Variants in TPD52L2 observed in about 807,000 individuals in gnomAD.
The protein encoded by TPD52L2 is TPD52 like 2, also known as tumor protein D54.
A neutral mutation model predicts 24.7 loss-of-function variants in TPD52L2; 19 were observed. The ratio of observed to expected loss-of-function variants is 0.77; its 90% confidence interval spans 0.54 to 1.13. TPD52L2 has a LOEUF of 1.13. Among genes scored for constraint, TPD52L2 ranks in the 50% most tolerant of loss-of-function variants. The pLI, the probability that TPD52L2 is intolerant of heterozygous loss-of-function variation, is 0.00. For synonymous variants in TPD52L2, 104 were observed against 100.2 expected, an observed-to-expected ratio of 1.04 and a Z score of -0.23; for missense variants, 236 against 250.4, an observed-to-expected ratio of 0.94 and a Z score of 0.39.
chr20:63,887,760 AC>A (rs1382972932), intron 5 of TPD52L2: 1 of 743,390 alleles, frequency 1.3e-6, no homozygotes, highest in Admixed American at 2.1e-5. Flanking sequence ...GCCGGTAAAA[AC>A]CCCCTCTAGG....
At chr20:63,875,262 C>T (rs2052628923) in intron 3 of TPD52L2, among the ~76,000 whole-genome samples, 2 of 151,904 alleles carry the variant, frequency 1.3e-5, no homozygotes, top group African/African-American at 4.8e-5. Flanking sequence ...GTCCTATAAC[C>T]CTGGGACACC....
rs1318785003 is a variant in TPD52L2, at chr20:63,877,948, G to A, written c.374+2073G>A. ...GGGAAGGCCCAGGCCGAGGGCGATG[G>A]TTTCTGCCGGGACGGCCGAGGCCGA... On this transcript the variant is annotated intron_variant, in intron 4 of 6. Coordinates refer to ENST00000346249, the MANE Select transcript of TPD52L2 (RefSeq NM_003288.4). This position sits in a 1 kb window ranked among gnomAD's most constrained non-coding sequence, Gnocchi z 4.1. 6.6e-6 allele frequency among the ~76,000 whole-genome samples: 1 copy of A among 152,262 alleles called. No homozygotes were observed. The highest frequency in any genetic ancestry group is 1.5e-5 in the Non-Finnish European group (1 of 68,036).
At chr20:63,882,455 G>T (rs1346305368) in intron 4 of TPD52L2, among the ~76,000 whole-genome samples, 1 of 152,250 alleles carries the variant, frequency 6.6e-6, no homozygotes, top group Non-Finnish European at 1.5e-5. Flanking sequence ...CAGCGTCATT[G>T]CAGGGCTGGG....
At chr20:63,874,228 TTGTGTG>T (rs547406712) in intron 3 of TPD52L2, among the ~76,000 whole-genome samples, 5,323 of 139,962 alleles carry the variant, frequency 0.038, 249 homozygotes, top group East Asian at 0.19. Context: ...ATTTTTTTTT[TTGTGTG>T]TGTGTGTGTG....
chr20:63,867,514 G>A (rs1055051712), intron 1 of TPD52L2, among the ~76,000 whole-genome samples: 2 of 151,830 alleles, frequency 1.3e-5, no homozygotes, highest in Admixed American at 6.6e-5. Context: ...TGCAGTGAGC[G>A]GAGATCGTGC....
intron 5 of TPD52L2, chr20:63,886,150 G>A (rs1338578821): frequency 9.0e-7 from 1 of 1,108,850 alleles, no homozygotes; most frequent in Non-Finnish European, 1.4e-6. Context: ...CAGTGAAAGT[G>A]GGATCACCCC....
intron 3 of TPD52L2, among the ~76,000 whole-genome samples, chr20:63,874,127 C>G (rs1476445967): frequency 6.6e-6 from 1 of 151,960 alleles, no homozygotes; most frequent in Non-Finnish European, 1.5e-5. Context: ...TCTTAGCTCG[C>G]TGCAACCTCT....
rs555001855 is a variant in TPD52L2, at chr20:63,886,527, A to G, written c.477-2663A>G. Reference sequence around the variant, plus strand: ...CAGGCGCCCGCCGCCACGCCCGGCTAATTTTTTGTATTTTTAGTAGAGACG... The same window carrying G: ...CAGGCGCCCGCCGCCACGCCCGGCTGATTTTTTGTATTTTTAGTAGAGACG... On this transcript the variant is annotated intron_variant, in intron 5 of 6. Transcript: ENST00000346249. 6.6e-5 allele frequency among the ~76,000 whole-genome samples: 10 copies of G among 151,954 alleles called. No individual in the cohort carries two copies. In the East Asian group the frequency reaches 1.5e-3, roughly 24 times the overall value.
At chr20:63,870,722 G>GT (rs550015438) in intron 2 of TPD52L2, among the ~76,000 whole-genome samples, 351 of 109,148 alleles carry the variant, frequency 3.2e-3, no homozygotes, top group Middle Eastern at 5.5e-3. Flanking sequence ...GATGGGGTTT[G>GT]TTTTTTTTTT....
At chr20:63,889,168 A>G in intron 5 of TPD52L2, 22 bp from the exon 6 acceptor site, 2 of 1,610,448 alleles carry the variant, frequency 1.2e-6, no homozygotes, top group Non-Finnish European at 1.7e-6. Flanking sequence ...TGACACCGAC[A>G]CTCTTCCCTC....
intron 5 of TPD52L2, among the ~76,000 whole-genome samples, chr20:63,883,780 C>A (rs1276879162): frequency 4.8e-5 from 7 of 147,276 alleles, no homozygotes; most frequent in South Asian, 2.3e-4. Context: ...CTCTTGTGGC[C>A]CCTGCAGGAT....
At chr20:63,869,208 C>A in intron 1 of TPD52L2, 88 bp from the exon 2 acceptor site, 1 of 1,505,104 alleles carries the variant, frequency 6.6e-7, no homozygotes, top group Non-Finnish European at 9.2e-7. Flanking sequence ...CCACTCCCAC[C>A]TGTGCTTTTG....
intron 2 of TPD52L2, among the ~76,000 whole-genome samples, chr20:63,872,858 C>T (rs376379284): frequency 8.5e-5 from 13 of 152,192 alleles, no homozygotes; most frequent in African/African-American, 2.6e-4. Flanking sequence ...TGCCCGCCAC[C>T]GTGCCTGGCT....
rs535798195 is a variant in TPD52L2, at chr20:63,877,944, G to A, written c.374+2069G>A. The stretch of plus-strand genomic sequence containing the variant: ...TGGTGGGAAGGCCCAGGCCGAGGGC[G>A]ATGGTTTCTGCCGGGACGGCCGAGG... On this transcript the variant is annotated intron_variant, in intron 4 of 6. Coordinates refer to ENST00000346249, the MANE Select transcript of TPD52L2 (RefSeq NM_003288.4). The surrounding 1 kb of genome is among the most constrained non-coding windows in gnomAD (Gnocchi z 4.1). Among the ~76,000 whole-genome samples the A allele has an allele frequency of 3.3e-5, 5 of 152,344 alleles. No individual in the cohort carries two copies. The highest frequency in any genetic ancestry group is 3.9e-4 in the East Asian group (2 of 5,180).
chr20:63,865,796 A>C (rs1210424919), intron 1 of TPD52L2, among the ~76,000 whole-genome samples: 3 of 152,192 alleles, frequency 2.0e-5, no homozygotes, highest in Non-Finnish European at 4.4e-5. Flanking sequence ...CCCTGGACCC[A>C]GTCCGAGGTG....
chr20:63,873,885 G>T (rs1028995295), intron 3 of TPD52L2, 69 bp downstream of exon 3: 175 of 1,404,466 alleles, frequency 1.2e-4, no homozygotes, highest in Non-Finnish European at 1.5e-4. Context: ...CCCGGCATGT[G>T]GGGGGGCGTC....
chr20:63,882,597 C>T (rs893454591), intron 4 of TPD52L2, 122 bp from the exon 5 acceptor site: 4 of 776,186 alleles, frequency 5.2e-6, no homozygotes, highest in Non-Finnish European at 8.9e-6. Context: ...GGCGAGTGTC[C>T]ACCCCTTGGC....
chr20:63,882,930 T>C, intron 5 of TPD52L2, 110 bp downstream of exon 5: 1 of 799,208 alleles, frequency 1.3e-6, no homozygotes, highest in Non-Finnish European at 2.0e-6. Flanking sequence ...ATGCACTGGC[T>C]CAGGGATGTG....
chr20:63,883,808 TCCTGCTGGGCTGCCTGCCTG>T (rs2052990463), intron 5 of TPD52L2, among the ~76,000 whole-genome samples: 1 of 127,876 alleles, frequency 7.8e-6, no homozygotes, highest in African/African-American at 2.8e-5. Flanking sequence ...TACGTACATC[TCCTGCTGGGCTGCCTGCCTG>T]CCTGCCTGCC....
Sources: gnomAD v4.1 joint callset for allele counts (sites outside exome capture counted in the v4.1 genomes callset) on GRCh38, gnomAD v4.1.1 for gene constraint, Gnocchi (gnomAD v3.1) non-coding constraint, MANE v1.5 for transcripts, NCBI Gene and HGNC (gene_info 2026-07-23, HGNC 2026-07-21) for gene names.